TENM4: variants seen among roughly 807,000 people sequenced by gnomAD.
The protein encoded by TENM4 is teneurin-4.
A neutral mutation model predicts 243.3 loss-of-function variants in TENM4; 82 were observed. The ratio of observed to expected loss-of-function variants is 0.34; its 90% CI spans 0.28 to 0.40. TENM4 has a LOEUF of 0.40. Among genes scored for constraint, TENM4 ranks in the 10% least tolerant of loss-of-function variants. TENM4 has a pLI of 1.00. For missense variants in TENM4, 3,138 were observed against 3,673.3 expected (o/e 0.85, Z 3.77); for synonymous variants, 1,412 against 1,456.3 (o/e 0.97, Z 0.69).
intron 28 of TENM4, among the ~76,000 whole-genome samples, chr11:78,701,146 AT>A (rs1859092466): frequency 6.6e-6 from 1 of 152,154 alleles, no homozygotes; most frequent in African/African-American, 2.4e-5. Context: ...CCCTTGCCAC[AT>A]TTGTGGACAG....
chr11:79,048,444 A>G (rs978976421), intron 6 of TENM4, among the ~76,000 whole-genome samples: 2 of 152,172 alleles, frequency 1.3e-5, no homozygotes, highest in Admixed American at 1.3e-4. Flanking sequence ...GACAGTAGGC[A>G]GTCTAGAGCA....
intron 6 of TENM4, among the ~76,000 whole-genome samples, chr11:78,991,642 G>C (rs1310834227): frequency 6.6e-6 from 1 of 152,188 alleles, no homozygotes; most frequent in African/African-American, 2.4e-5. Flanking sequence ...GGTTTCTAAA[G>C]CCCTTGCTCG....
intron 19 of TENM4, among the ~76,000 whole-genome samples, chr11:78,748,281 C>T (rs1856096757): frequency 6.6e-6 from 1 of 152,124 alleles, no homozygotes; most frequent in South Asian, 2.1e-4. Flanking sequence ...CCACAAAATC[C>T]CCATGAGATA....
At chr11:78,737,774 C>T (rs1855833862) in intron 20 of TENM4, among the ~76,000 whole-genome samples, 1 of 152,134 alleles carries the variant, frequency 6.6e-6, no homozygotes, top group South Asian at 2.1e-4. Flanking sequence ...TTACTATGTG[C>T]CAGACACTGG....
At chr11:78,797,172 T>C (rs1051848718) in intron 15 of TENM4, among the ~76,000 whole-genome samples, 4 of 152,218 alleles carry the variant, frequency 2.6e-5, no homozygotes, top group Admixed American at 1.3e-4. Flanking sequence ...AAGTGAATCA[T>C]TGTTTTCTCA....
chr11:78,907,325 C>T (rs1466643995), intron 6 of TENM4, among the ~76,000 whole-genome samples: 2 of 151,616 alleles, frequency 1.3e-5, no homozygotes, highest in African/African-American at 2.4e-5. Flanking sequence ...TTTTATCCCC[C>T]GACAAATATG....
chr11:79,426,552 A>G (rs11237830), intron 1 of TENM4, among the ~76,000 whole-genome samples: 60,667 of 152,170 alleles, frequency 0.4, 12,342 homozygotes, highest in African/African-American at 0.46. Context: ...AGAAGATCGG[A>G]GTGAACCCAG....
At chr11:78,836,479 C>CA (rs1434864464) in intron 12 of TENM4, among the ~76,000 whole-genome samples, 1 of 151,888 alleles carries the variant, frequency 6.6e-6, no homozygotes, top group Non-Finnish European at 1.5e-5. Context: ...TTGTGTGGAT[C>CA]AAAAAGGAAA....
chr11:79,261,561 AC>A, intron 2 of TENM4, among the ~76,000 whole-genome samples: 1 of 151,958 alleles, frequency 6.6e-6, no homozygotes, highest in Admixed American at 6.6e-5. Context: ...TCTATATGGA[AC>A]CCCACACCAG....
intron 4 of TENM4, among the ~76,000 whole-genome samples, chr11:79,143,793 T>G (rs1005356317): frequency 6.6e-6 from 1 of 151,746 alleles, no homozygotes; most frequent in Non-Finnish European, 1.5e-5. Flanking sequence ...TGTAAAAACA[T>G]CAATCAAAGT....
At position 78,903,369 on chromosome 11, in the gene TENM4, C is replaced by T. The variant is rs370715239; in HGVS notation, c.648G>A (p.Thr216=). 5.3e-6 allele frequency: 8 copies of T among 1,512,992 alleles called. No homozygotes were observed. The highest frequency in any genetic ancestry group is 7.1e-6 in the Non-Finnish European group (8 of 1,130,374). 93.7% of individuals were successfully genotyped at this position (1,512,992 alleles called of 1,614,324 possible). The stretch of plus-strand genomic sequence containing the variant: ...GGGGCTCTCCGGAGAGCGAGTGGTC[C>T]GTGGGGGCCGGGCTGGGGTTGCTCC... ...TPRSNPSPAP[T]DHSLSGEPPA... The change falls in exon 7 of 34, where the codon ACG becomes ACA. Residue 216 remains threonine, a synonymous_variant. Coordinates refer to ENST00000278550, the MANE Select transcript of TENM4 (RefSeq NM_001098816.3).
rs184610489 is a variant in TENM4, at chr11:79,408,539, G to A, written c.-321+31970C>T. 2.0e-5 allele frequency among the ~76,000 whole-genome samples: 3 copies of A among 152,306 alleles called. No individual in the cohort carries two copies. In the East Asian group the frequency reaches 5.8e-4, roughly 29 times the overall value. ...CATTAAACAAGAATATGTAACCTCT[G>A]TAATAATCTCCCAAATACCTGGCAT... On this transcript the variant is annotated intron_variant, in intron 1 of 33. Coordinates refer to ENST00000278550, the MANE Select transcript of TENM4 (RefSeq NM_001098816.3).
intron 4 of TENM4, among the ~76,000 whole-genome samples, chr11:79,082,710 G>A (rs1051583857): frequency 1.3e-5 from 2 of 152,188 alleles, no homozygotes; most frequent in East Asian, 1.9e-4. Context: ...AGCAGGAAAG[G>A]TGGATTAGTA....
rs143421281 is a variant in TENM4, at chr11:78,955,191, C to G, written c.494-51668G>C. On this transcript the variant is annotated intron_variant, in intron 6 of 33. Coordinates refer to ENST00000278550, the MANE Select transcript of TENM4 (RefSeq NM_001098816.3). ...CTGTGCTAAGCTGCATCTCCCTGAG[C>G]CTGTTTCTCACATGGACACAGTGTT... Among the ~76,000 whole-genome samples, 974 of 152,338 alleles carry G rather than the reference C, an allele frequency of 6.4e-3. 10 individuals carry two copies. The highest frequency in any genetic ancestry group is 0.022 in the African/African-American group (934 of 41,582).
chr11:79,421,182 T>C (rs1188951050), intron 1 of TENM4, among the ~76,000 whole-genome samples: 1 of 152,168 alleles, frequency 6.6e-6, no homozygotes, highest in Non-Finnish European at 1.5e-5. Context: ...TTAAATCAAA[T>C]TATTTCACAT....
chr11:78,954,680 T>C (rs1857172895), intron 6 of TENM4, among the ~76,000 whole-genome samples: 7 of 152,208 alleles, frequency 4.6e-5, no homozygotes, highest in Admixed American at 4.6e-4. Flanking sequence ...ACTTGCCATA[T>C]GGCAAGTGGA....
In TENM4 at chr11:78,702,340, C is replaced by T. The variant is rs202074383; in HGVS notation, c.4273G>A (p.Asp1425Asn). The change falls in exon 28 of 34, where the codon GAC becomes AAC. Residue 1425 changes from aspartate (D) to asparagine (N), a missense_variant. This residue lies in a region of TENM4 where 2,467 missense variants were observed against 3,059.1 expected (regional missense o/e 0.81). Coordinates refer to ENST00000278550, the MANE Select transcript of TENM4 (RefSeq NM_001098816.3). The part of the protein sequence containing the change: ...NPMDNSLYVL[D>N]NNVVLQISEN... ...GAGATTTGCAGGACCACATTGTTGT[C>T]GAGGACATAAAGTGAGTTGTCCATT... The T allele has an allele frequency of 9.9e-6, 16 of 1,613,870 alleles. No individual in the cohort carries two copies. Among genetic ancestry groups the T allele is most frequent in the South Asian group, 2.2e-5 (2 of 91,078 alleles).
intron 1 of TENM4, among the ~76,000 whole-genome samples, chr11:79,412,438 T>C (rs562644961): frequency 6.6e-6 from 1 of 152,232 alleles, no homozygotes; most frequent in East Asian, 1.9e-4. Flanking sequence ...CCAACCCCAT[T>C]CCACACAGAG....
At chr11:79,157,934 AC>A in intron 3 of TENM4, among the ~76,000 whole-genome samples, 1 of 152,314 alleles carries the variant, frequency 6.6e-6, no homozygotes, top group East Asian at 1.9e-4. Context: ...GCATGTTCTA[AC>A]TAGTCTGGGG....
Sources: gnomAD v4.1 joint callset for allele counts (sites outside exome capture counted in the v4.1 genomes callset) on GRCh38, gnomAD v4.1.1 for gene constraint, gnomAD v4.1.1 regional missense constraint, MANE v1.5 for transcripts, NCBI Gene and HGNC (gene_info 2026-07-23, HGNC 2026-07-21) for gene names.